The following KLRG2 variants were observed in gnomAD, a reference collection of about 807,000 sequenced individuals.
The protein encoded by KLRG2 is killer cell lectin like receptor G2.
In KLRG2, 39 loss-of-function variants were observed where a neutral mutation model predicts 35.4. The ratio of observed to expected loss-of-function variants is 1.10; its 90% CI spans 0.85 to 1.44. The LOEUF (loss-of-function observed/expected upper bound fraction) is 1.44. KLRG2 is among the 40% of genes most tolerant of loss of function. The probability of loss-of-function intolerance (pLI) is 0.00; values close to 1 mark genes in which losing one functional copy is unlikely to be tolerated. For synonymous variants in KLRG2, 283 were observed against 265.8 expected, an observed-to-expected ratio of 1.06 and a Z score of -0.63; for missense variants, 632 against 570.9, an observed-to-expected ratio of 1.11 and a Z score of -1.09.
chr7:139,449,075 C>T (rs572454914), downstream of KLRG2, among the ~76,000 whole-genome samples: 1 of 149,712 alleles, frequency 6.7e-6, no homozygotes, highest in Non-Finnish European at 1.5e-5. Flanking sequence ...CACTGCATTC[C>T]AGCCTGGGTG....
chr7:139,433,788 A>G, the KLRG2 span, among the ~76,000 whole-genome samples: 3,450 of 151,498 alleles, frequency 0.023, 63 homozygotes, highest in Middle Eastern at 0.048. Flanking sequence ...GGTGCCTGCA[A>G]CTACACCAGG....
At chr7:139,474,014 CTTTTTTTTT>C (rs751172556) in intron 3 of KLRG2, among the ~76,000 whole-genome samples, 26 of 129,932 alleles carry the variant, frequency 2.0e-4, no homozygotes, top group African/African-American at 7.6e-4. Context: ...GTGGCTCAGA[CTTTTTTTTT>C]TTTTTTTTTT....
chr7:139,461,451 T>C (rs543175583), intron 3 of KLRG2, among the ~76,000 whole-genome samples: 1 of 152,182 alleles, frequency 6.6e-6, no homozygotes, highest in Admixed American at 6.5e-5. Context: ...ACAGGGCTGT[T>C]TGGACTTTAG....
the KLRG2 span, among the ~76,000 whole-genome samples, chr7:139,445,781 G>GTGTATGTATA: frequency 1.0e-5 from 1 of 98,508 alleles, no homozygotes; most frequent in Non-Finnish European, 1.9e-5. Context: ...ATATATATAT[G>GTGTATGTATA]TATATATATA....
rs1472740535 is a variant in KLRG2, at chr7:139,464,317, C to T, written c.1006-10103G>A. Reference sequence around the variant, plus strand: ...CACGCTTTAGAAGCCTGTTATTACTCGCCTGTTACAGCATGGCCTTTTAAA... The same window carrying T: ...CACGCTTTAGAAGCCTGTTATTACTTGCCTGTTACAGCATGGCCTTTTAAA... On this transcript the variant is annotated intron_variant, in intron 3 of 4. Coordinates refer to ENST00000340940, the MANE Select transcript of KLRG2 (RefSeq NM_198508.4). 5.3e-5 allele frequency among the ~76,000 whole-genome samples: 8 copies of T among 152,214 alleles called. 1 individual carries two copies. Among genetic ancestry groups the T allele is most frequent in the Admixed American group, 2.6e-4 (4 of 15,284 alleles).
At chr7:139,443,386 C>A in the KLRG2 span, among the ~76,000 whole-genome samples, 2 of 151,868 alleles carry the variant, frequency 1.3e-5, no homozygotes, top group African/African-American at 4.8e-5. Flanking sequence ...GGCACCTGGC[C>A]AGGGAAGATA....
chr7:139,461,932 A>G (rs904724745), intron 3 of KLRG2, among the ~76,000 whole-genome samples: 3 of 152,174 alleles, frequency 2.0e-5, no homozygotes, highest in African/African-American at 7.2e-5. Context: ...CTTTGCACCT[A>G]CGACCTCTGG....
chr7:139,438,480 G>A, the KLRG2 span, among the ~76,000 whole-genome samples: 2 of 152,130 alleles, frequency 1.3e-5, no homozygotes, highest in African/African-American at 2.4e-5. Flanking sequence ...GCCTCCTAAA[G>A]TATTGGGATT....
the KLRG2 span, among the ~76,000 whole-genome samples, chr7:139,429,997 G>T: frequency 6.6e-6 from 1 of 152,214 alleles, no homozygotes; most frequent in African/African-American, 2.4e-5. Flanking sequence ...TTTAAGGCAG[G>T]GTTCCTCAAA....
At chr7:139,432,329 G>C in the KLRG2 span, among the ~76,000 whole-genome samples, 1 of 151,740 alleles carries the variant, frequency 6.6e-6, no homozygotes, top group Non-Finnish European at 1.5e-5. Context: ...CTCCAGCCCA[G>C]TCAACAGAGA....
the KLRG2 span, among the ~76,000 whole-genome samples, chr7:139,444,779 C>G: frequency 6.6e-6 from 1 of 152,128 alleles, no homozygotes; most frequent in Non-Finnish European, 1.5e-5. Flanking sequence ...ACTATTACGA[C>G]GACACAAAAC....
intron 3 of KLRG2, among the ~76,000 whole-genome samples, chr7:139,471,535 C>A (rs1197327923): frequency 6.6e-6 from 1 of 152,106 alleles, no homozygotes. Context: ...ATGGCAGGTG[C>A]CTGTAACCCC....
the KLRG2 span, among the ~76,000 whole-genome samples, chr7:139,440,986 G>A: frequency 6.6e-6 from 1 of 152,330 alleles, no homozygotes; most frequent in Admixed American, 6.5e-5. Context: ...GCCCATGCCT[G>A]TAATCCCAGC....
At position 139,453,505 on chromosome 7, in the gene KLRG2, A is replaced by G; in HGVS notation, c.*82T>C. On this transcript the variant is annotated 3_prime_UTR_variant, in exon 5 of 5. Transcript: ENST00000340940. ...GACCTGGATAACTGGGTCCAGGAAG[A>G]GGCTGCCCAAGCTCTCAACTGGCCT... 1 of 1,446,362 alleles carries G rather than the reference A, an allele frequency of 6.9e-7. No homozygotes were observed. The highest frequency in any genetic ancestry group is 9.4e-7 in the Non-Finnish European group (1 of 1,066,728). The allele number at this position is 1,446,362 out of a possible 1,614,324, so 89.6% of individuals were successfully genotyped here. A position where few individuals can be genotyped will look rare whatever the true frequency, so the allele number is the denominator to read the frequency against.
Position 139,482,940 on chromosome 7 carries a change from G to A in KLRG2, c.703C>T (p.Pro235Ser). Residue 235 changes from proline to serine, a missense_variant, in exon 1 of 5, where the codon CCC (proline) becomes TCC (serine). Physicochemically the swap from Pro to Ser is moderately conservative, Grantham distance 74. Coordinates refer to ENST00000340940, the MANE Select transcript of KLRG2 (RefSeq NM_198508.4). ...GLEKEDAALLPRAGLDGDEKL... is the reference protein window; with the variant it reads ...GLEKEDAALLSRAGLDGDEKL... Reference sequence around the variant, plus strand: ...TCGTCGCCGTCCAACCCCGCGCGGGGCAACAGCGCCGCATCCTCCTTCTCC... The same window carrying A: ...TCGTCGCCGTCCAACCCCGCGCGGGACAACAGCGCCGCATCCTCCTTCTCC... The A allele has an allele frequency of 6.7e-7, 1 of 1,489,896 alleles. No individual in the cohort carries two copies. The highest frequency in any genetic ancestry group is 1.5e-5 in the African/African-American group (1 of 68,898). 92.3% of individuals were successfully genotyped at this position (1,489,896 alleles called of 1,614,324 possible).
the KLRG2 span, among the ~76,000 whole-genome samples, chr7:139,440,190 G>A: frequency 6.6e-6 from 1 of 152,044 alleles, no homozygotes; most frequent in Non-Finnish European, 1.5e-5. Flanking sequence ...GCTCACTGCA[G>A]CCTCCGTCTC....
the KLRG2 span, among the ~76,000 whole-genome samples, chr7:139,438,611 C>T: frequency 6.6e-6 from 1 of 151,964 alleles, no homozygotes; most frequent in Non-Finnish European, 1.5e-5. Context: ...CTTGTAGCAC[C>T]TGGACTTTCA....
At chr7:139,451,986 T>TTG (rs1554402446), downstream of KLRG2, among the ~76,000 whole-genome samples, 3 of 148,474 alleles carry the variant, frequency 2.0e-5, no homozygotes, top group Non-Finnish European at 4.4e-5. Context: ...TTTTTTTTTT[T>TTG]GAGACAGAGT....
chr7:139,446,021 C>T, the KLRG2 span, among the ~76,000 whole-genome samples: 2 of 151,656 alleles, frequency 1.3e-5, no homozygotes, highest in East Asian at 1.9e-4. Flanking sequence ...TTAGTAGAAA[C>T]GAGGTTTCCA....
Sources: gnomAD v4.1 joint callset for allele counts (sites outside exome capture counted in the v4.1 genomes callset) on GRCh38, gnomAD v4.1.1 for gene constraint, MANE v1.5 for transcripts, NCBI Gene and HGNC (gene_info 2026-07-23, HGNC 2026-07-21) for gene names.